Variants in NLRP13 observed in about 807,000 individuals in gnomAD.
NLRP13 encodes NLR family pyrin domain containing 13.
In NLRP13, 82 loss-of-function variants were observed where a neutral mutation model predicts 94.4. The ratio of observed to expected loss-of-function variants is 0.87; its 90% CI spans 0.73 to 1.04. NLRP13 has a LOEUF of 1.04. Among genes scored for constraint, NLRP13 ranks in the 50% least tolerant of loss-of-function variants. NLRP13 has a pLI of 0.00. For synonymous variants in NLRP13, 553 were observed against 464.7 expected, an observed-to-expected ratio of 1.19 and a Z score of -2.45; for missense variants, 1,426 against 1,230.8, an observed-to-expected ratio of 1.16 and a Z score of -2.37.
At chr19:55,913,382 T>G in intron 4 of NLRP13, 89 bp from the exon 5 acceptor site, 2 of 1,372,488 alleles carry the variant, frequency 1.5e-6, no homozygotes, top group South Asian at 2.8e-5. Context: ...CCCAAAGACT[T>G]GAATAAGAGA....
Position 55,924,168 on chromosome 19 carries a change from G to A in NLRP13, c.458-189C>T, listed in dbSNP as rs146655447. ...AATGGAGTCTCACTCTGTTGCCCAC[G>A]CTAGAGTGCAGTGGTACCATCTTGG... On this transcript the variant is annotated intron_variant, in intron 3 of 10. Coordinates refer to ENST00000342929, the MANE Select transcript of NLRP13 (RefSeq NM_176810.2). Among the ~76,000 whole-genome samples, 947 of 152,156 alleles carry A rather than the reference G, an allele frequency of 6.2e-3. 9 individuals carry two copies. The highest frequency in any genetic ancestry group is 0.021 in the African/African-American group (867 of 41,502).
Position 55,911,607 on chromosome 19 carries a change from T to C in NLRP13, c.2111+99A>G, listed in dbSNP as rs1986510974. Reference sequence around the variant, plus strand: ...CCATTTGGTCGGAAATAAGCACGAATACATAACGACAACACATCCCTGGTT... The same window carrying C: ...CCATTTGGTCGGAAATAAGCACGAACACATAACGACAACACATCCCTGGTT... On this transcript the variant is annotated intron_variant, in intron 5 of 10. Coordinates refer to ENST00000342929, the MANE Select transcript of NLRP13 (RefSeq NM_176810.2). 3.5e-6 allele frequency: 4 copies of C among 1,152,756 alleles called. No individual in the cohort carries two copies. The East Asian group carries it at 9.4e-5, about 27-fold the overall frequency. The allele number at this position is 1,152,756 out of a possible 1,614,324, so 71.4% of individuals were successfully genotyped here. A position where few individuals can be genotyped will look rare whatever the true frequency, so the allele number is the denominator to read the frequency against.
chr19:55,915,049 G>A (rs1296599575), intron 4 of NLRP13, among the ~76,000 whole-genome samples: 2 of 152,118 alleles, frequency 1.3e-5, no homozygotes, highest in African/African-American at 4.8e-5. Flanking sequence ...GGAATGGCAC[G>A]GGGAAAAGAG....
chr19:55,907,524 A>T (rs1264928158), intron 7 of NLRP13, among the ~76,000 whole-genome samples: 5 of 152,186 alleles, frequency 3.3e-5, no homozygotes, highest in Admixed American at 3.3e-4. Flanking sequence ...GCAAGCAGAG[A>T]TCACGTCATT....
intron 9 of NLRP13, among the ~76,000 whole-genome samples, chr19:55,901,186 C>A (rs993737386): frequency 6.6e-6 from 1 of 152,222 alleles, no homozygotes; most frequent in South Asian, 2.1e-4. Context: ...CAAAAGATTT[C>A]TCAGCAAAGC....
At position 55,932,153 on chromosome 19, in the gene NLRP13, C is replaced by A; in HGVS notation, c.159G>T (p.Pro53=). The A allele has an allele frequency of 1.2e-6, 2 of 1,614,058 alleles. No individual in the cohort carries two copies. The highest frequency in any genetic ancestry group is 1.7e-6 in the Non-Finnish European group (2 of 1,179,994). Residue 53 remains proline, a synonymous_variant, in exon 1 of 11, where the codon CCG becomes CCT. Transcript: ENST00000342929. The stretch of plus-strand genomic sequence containing the variant: ...CTCTCAAGTTTGCCCAGGGGATACG[C>A]GGGAAGTGCCCCTGGGGGGCCGACC... The part of the protein sequence containing the change: ...DFWSAPQGHF[P]RIPWANLRAA...
intron 1 of NLRP13, among the ~76,000 whole-genome samples, chr19:55,925,395 C>CCTCT (rs1198146850): frequency 6.6e-6 from 1 of 152,186 alleles, no homozygotes; most frequent in African/African-American, 2.4e-5. Context: ...CATACCTTAG[C>CCTCT]CTCTCCCCAT....
chr19:55,911,554 C>T, intron 5 of NLRP13, 152 bp downstream of exon 5: 2 of 705,060 alleles, frequency 2.8e-6, no homozygotes. Flanking sequence ...TAAAGGACAA[C>T]ATTCTTTCAA....
chr19:55,903,011 T>C (rs1280036438), intron 8 of NLRP13, among the ~76,000 whole-genome samples: 1 of 151,172 alleles, frequency 6.6e-6, no homozygotes, highest in Non-Finnish European at 1.5e-5. Context: ...ATTACAATTA[T>C]AATTGGTTAA....
downstream of NLRP13, chr19:55,891,983 G>A (rs1568683033): frequency 1.5e-6 from 1 of 676,634 alleles, no homozygotes; most frequent in East Asian, 3.4e-5. Flanking sequence ...CAAGCCACGT[G>A]GCATCTAATC....
intron 9 of NLRP13, among the ~76,000 whole-genome samples, chr19:55,900,735 C>A (rs1275576201): frequency 1.3e-5 from 2 of 149,730 alleles, no homozygotes; most frequent in African/African-American, 2.5e-5. Context: ...GAGATCACAC[C>A]ACTGCACTCC....
chr19:55,905,625 C>G (rs1049233978), intron 7 of NLRP13, among the ~76,000 whole-genome samples: 1 of 151,868 alleles, frequency 6.6e-6, no homozygotes, highest in African/African-American at 2.4e-5. Context: ...TGTACTCCAG[C>G]CTGGGTGACA....
At chr19:55,924,563 C>G (rs542707800) in intron 3 of NLRP13, 27 bp downstream of exon 3, 1 of 1,562,996 alleles carries the variant, frequency 6.4e-7, no homozygotes, top group Non-Finnish European at 8.8e-7. Context: ...AGCAACCTGT[C>G]AATTATCAAC....
At chr19:55,915,048 C>T (rs1034426252) in intron 4 of NLRP13, among the ~76,000 whole-genome samples, 2 of 151,802 alleles carry the variant, frequency 1.3e-5, no homozygotes, top group African/African-American at 2.4e-5. Flanking sequence ...GGGAATGGCA[C>T]GGGGAAAAGA....
intron 7 of NLRP13, among the ~76,000 whole-genome samples, chr19:55,907,389 T>G (rs1986384787): frequency 6.6e-6 from 1 of 152,070 alleles, no homozygotes; most frequent in Non-Finnish European, 1.5e-5. Flanking sequence ...CTGGGAAACA[T>G]GGCAAAACCC....
chr19:55,901,545 G>C (rs1032663590), intron 9 of NLRP13, among the ~76,000 whole-genome samples: 2 of 152,176 alleles, frequency 1.3e-5, no homozygotes, highest in South Asian at 4.1e-4. Context: ...GCCTGGGCAC[G>C]TAGTAAAGGC....
chr19:55,926,477 G>A (rs1366935058), intron 1 of NLRP13, among the ~76,000 whole-genome samples: 4 of 152,194 alleles, frequency 2.6e-5, no homozygotes, highest in Admixed American at 2.6e-4. Context: ...CTCTGGTGAG[G>A]CGCACTTATC....
rs1568448810 is a variant in NLRP13, at chr19:55,930,877, TATATA to T, written c.319+1111_319+1115del. On this transcript the variant is annotated intron_variant, in intron 1 of 10. Coordinates refer to ENST00000342929, the MANE Select transcript of NLRP13 (RefSeq NM_176810.2). ...TTACAGGAGATAGAATCAGTGATTA[TATATA>T]TATATATATATATATAAAATTTTAA... 2.1e-4 allele frequency among the ~76,000 whole-genome samples: 9 copies of T among 43,678 alleles called. 1 individual carries two copies. The highest frequency in any genetic ancestry group is 6.3e-4 in the African/African-American group (9 of 14,216). 28.7% of individuals were successfully genotyped at this position (43,678 alleles called of 152,430 possible).
chr19:55,892,222 G>A (rs1985870250), downstream of NLRP13: 1 of 821,676 alleles, frequency 1.2e-6, no homozygotes, highest in African/African-American at 1.8e-5. Context: ...TTGTTACATG[G>A]GTCTACTGTG....
Sources: allele counts gnomAD v4.1 joint callset (sites outside exome capture counted in the v4.1 genomes callset), GRCh38; gene constraint gnomAD v4.1.1; transcripts MANE v1.5; gene names NCBI Gene and HGNC (gene_info 2026-07-23, HGNC 2026-07-21).